Variants in HSF2BP observed in about 807,000 individuals in gnomAD.
The protein encoded by HSF2BP is heat shock factor 2-binding protein.
Under a neutral mutation model 35.0 loss-of-function variants are expected in HSF2BP, and 35 were observed. The observed-to-expected ratio is 1.00, with a 90% CI of 0.76 to 1.32. The LOEUF is 1.32. Ranked by LOEUF, HSF2BP falls within the 40% of genes most tolerant of loss-of-function variation. The probability of loss-of-function intolerance (pLI) is 0.00; values close to 1 mark genes in which losing one functional copy is unlikely to be tolerated. For missense variants in HSF2BP, 326 were observed against 321.7 expected, an observed-to-expected ratio of 1.01 and a Z score of -0.10; for synonymous variants, 114 against 117.4, an observed-to-expected ratio of 0.97 and a Z score of 0.18.
chr21:43,608,134 A>AG (rs1568908936), intron 7 of HSF2BP, among the ~76,000 whole-genome samples: 1 of 152,040 alleles, frequency 6.6e-6, no homozygotes, highest in Non-Finnish European at 1.5e-5. Flanking sequence ...ACAGCAAAAA[A>AG]AACTATCAAC....
intron 8 of HSF2BP, among the ~76,000 whole-genome samples, chr21:43,588,076 G>A (rs543140449): frequency 1.3e-5 from 2 of 152,192 alleles, no homozygotes; most frequent in Non-Finnish European, 2.9e-5. Flanking sequence ...TCAACTAAAT[G>A]TGAGAAGTCA....
At chr21:43,648,587 A>T (rs1304624933) in intron 3 of HSF2BP, among the ~76,000 whole-genome samples, 1 of 151,894 alleles carries the variant, frequency 6.6e-6, no homozygotes, top group Non-Finnish European at 1.5e-5. Context: ...CCCTGCCAGG[A>T]TATGGATGTG....
intron 3 of HSF2BP, among the ~76,000 whole-genome samples, chr21:43,648,069 G>A (rs1274614260): frequency 2.6e-5 from 4 of 151,934 alleles, no homozygotes; most frequent in Admixed American, 6.6e-5. Flanking sequence ...GAGCGGTCAC[G>A]GGTGATATTA....
intron 8 of HSF2BP, among the ~76,000 whole-genome samples, chr21:43,583,346 G>GA (rs2081788905): frequency 1.1e-5 from 1 of 92,706 alleles, no homozygotes; most frequent in Non-Finnish European, 2.2e-5. Context: ...TGCGGGAGAT[G>GA]AGTACCTGTT....
intron 7 of HSF2BP, among the ~76,000 whole-genome samples, chr21:43,613,504 T>C (rs2082234061): frequency 6.6e-6 from 1 of 152,250 alleles, no homozygotes; most frequent in African/African-American, 2.4e-5. Flanking sequence ...GGTGATAATT[T>C]GTTACATAAA....
intron 7 of HSF2BP, among the ~76,000 whole-genome samples, chr21:43,595,786 G>A (rs946077802): frequency 3.5e-5 from 4 of 112,784 alleles, no homozygotes; most frequent in Admixed American, 2.6e-4. Context: ...GTGCAGTGGC[G>A]CCATCTCGGC....
intron 3 of HSF2BP, among the ~76,000 whole-genome samples, chr21:43,651,767 C>T (rs894502302): frequency 6.6e-6 from 1 of 152,166 alleles, no homozygotes; most frequent in African/African-American, 2.4e-5. Flanking sequence ...CACATGCCAC[C>T]GCCCTGGCCT....
Position 43,635,704 on chromosome 21 carries a change from G to A in HSF2BP, c.292-2283C>T, listed in dbSNP as rs1248198494. Among the ~76,000 whole-genome samples, 3 of 152,058 alleles carry A rather than the reference G, an allele frequency of 2.0e-5. No homozygotes were observed. The East Asian group carries it at 5.8e-4, about 29-fold the overall frequency. On this transcript the variant is annotated intron_variant, in intron 4 of 8. Transcript: ENST00000291560. ...GGCTGAGGTGGGTGGATTGCTTGAG[G>A]TCAGGAGTTCAAGACTAGCCTGACC... is the stretch of plus-strand genomic sequence containing the variant.
rs1022724599 is a variant in HSF2BP, at chr21:43,597,887, G to A, written c.693-5559C>T. Among the ~76,000 whole-genome samples, 1 of 152,194 alleles carries A rather than the reference G, an allele frequency of 6.6e-6. No individual in the cohort carries two copies. The highest frequency in any genetic ancestry group is 6.5e-5 in the Admixed American group (1 of 15,278). The stretch of plus-strand genomic sequence containing the variant: ...GGCAAAAGGAAAAATCAGTAATACT[G>A]ACCAAGTCCATTATAAAGGGACTAA... On this transcript the variant is annotated intron_variant, in intron 7 of 8. Coordinates refer to ENST00000291560, the MANE Select transcript of HSF2BP (RefSeq NM_007031.2). This position sits in a 1 kb window ranked among gnomAD's most constrained non-coding sequence, Gnocchi z 4.3.
intron 8 of HSF2BP, among the ~76,000 whole-genome samples, chr21:43,581,822 C>CGGGAGATGAAGGCCTGCTGA (rs2081737274): frequency 7.5e-6 from 1 of 133,200 alleles, no homozygotes; most frequent in South Asian, 2.5e-4. Context: ...GTCTGTGCTG[C>CGGGAGATGAAGGCCTGCTGA]GGGAGATGAG....
intron 1 of HSF2BP, among the ~76,000 whole-genome samples, chr21:43,658,532 C>T (rs1237502326): frequency 4.6e-5 from 7 of 152,202 alleles, no homozygotes; most frequent in Non-Finnish European, 1.0e-4. Context: ...ACAGGCACCT[C>T]GGGAGGTCGC....
At chr21:43,583,096 A>G (rs71322525) in intron 8 of HSF2BP, among the ~76,000 whole-genome samples, 16 of 5,834 alleles carry the variant, frequency 2.7e-3, no homozygotes, top group African/African-American at 4.1e-3. Context: ...GGCCTGCTGA[A>G]GGAGATGAAG....
chr21:43,459,423 C>T, the HSF2BP span, among the ~76,000 whole-genome samples: 3 of 85,554 alleles, frequency 3.5e-5, no homozygotes, highest in African/African-American at 8.1e-5. Flanking sequence ...TCCCAGCACC[C>T]ACCGCACTGG....
At chr21:43,580,055 C>G (rs1189384517) in intron 8 of HSF2BP, among the ~76,000 whole-genome samples, 2 of 152,080 alleles carry the variant, frequency 1.3e-5, no homozygotes, top group South Asian at 4.1e-4. Context: ...GCCCTACATC[C>G]CTCTGCTCAG....
chr21:43,654,749 G>C (rs774171996), intron 3 of HSF2BP, among the ~76,000 whole-genome samples: 2 of 152,224 alleles, frequency 1.3e-5, no homozygotes, highest in East Asian at 1.9e-4. Context: ...TTCTGGGCTA[G>C]AGAGTAAATC....
chr21:43,642,908 T>A (rs2082658695), intron 4 of HSF2BP, among the ~76,000 whole-genome samples: 1 of 150,684 alleles, frequency 6.6e-6, no homozygotes, highest in Admixed American at 6.7e-5. Context: ...CAAGCAATTC[T>A]CCTGCCTCAG....
the HSF2BP span, among the ~76,000 whole-genome samples, chr21:43,506,100 C>T: frequency 3.0e-5 from 4 of 133,210 alleles, no homozygotes; most frequent in Admixed American, 7.3e-5. Context: ...CCACTCCTGC[C>T]GAGTGTGCCG....
intron 3 of HSF2BP, among the ~76,000 whole-genome samples, chr21:43,647,212 T>C (rs1475486415): frequency 2.0e-5 from 3 of 152,080 alleles, no homozygotes; most frequent in Non-Finnish European, 4.4e-5. Context: ...TCATAGACCA[T>C]TTAAACATCT....
Position 43,595,726 on chromosome 21 carries a change from A to ATTTTTTTTTTTTTTTTTTTTTTT in HSF2BP, c.693-3421_693-3399dup, listed in dbSNP as rs770855952. Among the ~76,000 whole-genome samples the ATTTTTTTTTTTTTTTTTTTTTTT allele has an allele frequency of 2.9e-4, 17 of 58,448 alleles. 4 individuals carry two copies. Among genetic ancestry groups the ATTTTTTTTTTTTTTTTTTTTTTT allele is most frequent in the Admixed American group, 3.3e-4 (1 of 3,000 alleles). The allele number at this position is 58,448 out of a possible 152,430, so 38.3% of individuals were successfully genotyped here. A position where few individuals can be genotyped will look rare whatever the true frequency, so the allele number is the denominator to read the frequency against. On this transcript the variant is annotated intron_variant, in intron 7 of 8. Transcript: ENST00000291560. Reference sequence around the variant, plus strand: ...AGCATCTTTAAAAATTAAGAGGCTAATTTTTTTTTTTTTTTTTTTTTTTTT... The same window carrying ATTTTTTTTTTTTTTTTTTTTTTT: ...AGCATCTTTAAAAATTAAGAGGCTAATTTTTTTTTTTTTTTTTTTTTTTTTTTTTTTTTTTTTTTTTTTTTTTT...
Sources: gnomAD v4.1 joint callset for allele counts (sites outside exome capture counted in the v4.1 genomes callset) on GRCh38, gnomAD v4.1.1 for gene constraint, Gnocchi (gnomAD v3.1) non-coding constraint, MANE v1.5 for transcripts, NCBI Gene and HGNC (gene_info 2026-07-23, HGNC 2026-07-21) for gene names.